The following YWHAB variants were observed in gnomAD, a reference collection of about 807,000 sequenced individuals.
YWHAB encodes the protein tyrosine 3-monooxygenase/tryptophan 5-monooxygenase activation protein beta.
Under a neutral mutation model 28.5 loss-of-function variants are expected in YWHAB, and 2 were observed. The observed-to-expected ratio is 0.07, with a 90% CI of 0.03 to 0.22. The LOEUF is 0.22. Among genes scored for constraint, YWHAB ranks in the 10% least tolerant of loss-of-function variants. The probability of loss-of-function intolerance (pLI) is 1.00; values close to 1 mark genes in which losing one functional copy is unlikely to be tolerated. For missense variants in YWHAB, 148 were observed against 297.1 expected (o/e 0.50, Z 3.69); for synonymous variants, 103 against 104.7 (o/e 0.98, Z 0.10).
At chr20:44,901,479 A>G in intron 1 of YWHAB, 52 bp from the exon 2 acceptor site, 1 of 1,511,504 alleles carries the variant, frequency 6.6e-7, no homozygotes. Flanking sequence ...CACGTTTCCT[A>G]GGCCCCGAAA....
intron 2 of YWHAB, chr20:44,903,195 C>A: frequency 1.5e-6 from 1 of 671,116 alleles, no homozygotes; most frequent in Non-Finnish European, 1.8e-6. Flanking sequence ...ACGTGCCAGG[C>A]AACGTGTTAA....
chr20:44,901,858 G>T, intron 2 of YWHAB, 25 bp downstream of exon 2: 2 of 1,563,382 alleles, frequency 1.3e-6, no homozygotes, highest in South Asian at 1.2e-5. Flanking sequence ...CTTCTGTTTT[G>T]AACAGTGGTT....
At chr20:44,903,840 G>A (rs2066640985) in intron 2 of YWHAB, 153 bp from the exon 3 acceptor site, 10 of 807,674 alleles carry the variant, frequency 1.2e-5, no homozygotes, top group Non-Finnish European at 1.9e-5. Context: ...TTATGACCTG[G>A]GCTAAACAAC....
intron 2 of YWHAB, chr20:44,903,757 A>G (rs2066640376): frequency 2.6e-6 from 1 of 388,218 alleles, no homozygotes; most frequent in Non-Finnish European, 4.6e-6. Context: ...ACATTTCATT[A>G]TATGGCTATA....
At chr20:44,900,614 C>T (rs949770450) in intron 1 of YWHAB, among the ~76,000 whole-genome samples, 4 of 152,178 alleles carry the variant, frequency 2.6e-5, no homozygotes, top group Non-Finnish European at 5.9e-5. Context: ...AAACATCATA[C>T]TTACTCTTTC....
At chr20:44,905,441 G>T in intron 4 of YWHAB, 2 of 231,566 alleles carry the variant, frequency 8.6e-6, no homozygotes, top group Non-Finnish European at 1.7e-5. Context: ...CAAGATTTGA[G>T]GTTATAGTTG....
intron 1 of YWHAB, chr20:44,886,888 G>C (rs930899325): frequency 6.6e-6 from 1 of 152,188 alleles, no homozygotes; most frequent in African/African-American, 2.4e-5. Flanking sequence ...GATAGCATCA[G>C]GTCCTGATTT....
intron 1 of YWHAB, among the ~76,000 whole-genome samples, chr20:44,895,723 C>T (rs145259312): frequency 1.3e-5 from 2 of 152,302 alleles, no homozygotes; most frequent in African/African-American, 4.8e-5. Flanking sequence ...CAGCTTTGGC[C>T]TCCAAAAGCA....
chr20:44,905,991 T>G lies in YWHAB; in HGVS notation c.589-10T>G, dbSNP rs1387550009. The G allele has an allele frequency of 1.9e-6, 3 of 1,609,962 alleles. No homozygotes were observed. The South Asian group carries it at 3.3e-5, about 18-fold the overall frequency. ...CTTGTGAATTCTTTGCTAAAGGCTCTTTGTTTTAGGCATTTGATGAAGCAA... is the reference window on the plus strand; with the variant it reads ...CTTGTGAATTCTTTGCTAAAGGCTCGTTGTTTTAGGCATTTGATGAAGCAA... On this transcript the variant is annotated splice_polypyrimidine_tract_variant and intron_variant, in intron 4 of 5. Coordinates refer to ENST00000353703, the MANE Select transcript of YWHAB (RefSeq NM_139323.4).
intron 1 of YWHAB, among the ~76,000 whole-genome samples, chr20:44,899,880 G>A (rs6017444): frequency 0.28 from 43,288 of 152,056 alleles, 6,500 homozygotes; most frequent in Middle Eastern, 0.38. Flanking sequence ...ATGGTTTCAA[G>A]TTATGTTGCT....
At chr20:44,906,160 T>TG in intron 5 of YWHAB, 64 bp downstream of exon 5, 2 of 1,358,680 alleles carry the variant, frequency 1.5e-6, no homozygotes, top group South Asian at 2.4e-5. Context: ...AATTCACTGT[T>TG]ATCTTCAAGA....
intron 1 of YWHAB, chr20:44,886,191 C>T (rs560865500): frequency 1.6e-3 from 249 of 152,704 alleles, no homozygotes; most frequent in Non-Finnish European, 2.6e-3. Context: ...CCCTCCCTCA[C>T]TATCTGCTTC....
intron 3 of YWHAB, 56 bp from the exon 4 acceptor site, chr20:44,904,910 CAA>C (rs1341763109): frequency 6.7e-7 from 1 of 1,489,150 alleles, no homozygotes; most frequent in Non-Finnish European, 9.0e-7. Context: ...ATAGTTGGTC[CAA>C]TGTGTGATAC....
At chr20:44,904,227 C>G in intron 3 of YWHAB, 111 bp downstream of exon 3, 1 of 1,377,376 alleles carries the variant, frequency 7.3e-7, no homozygotes, top group South Asian at 1.3e-5. Flanking sequence ...TGTCACAGTA[C>G]TAAGAATTTA....
chr20:44,901,469 C>T, intron 1 of YWHAB, 62 bp from the exon 2 acceptor site: 1 of 1,488,984 alleles, frequency 6.7e-7, no homozygotes, highest in African/African-American at 1.4e-5. Flanking sequence ...AAGATTCACA[C>T]ACGTTTCCTA....
chr20:44,891,015 TAA>T (rs2066558389), intron 1 of YWHAB, among the ~76,000 whole-genome samples: 1 of 152,228 alleles, frequency 6.6e-6, no homozygotes, highest in South Asian at 2.1e-4. Flanking sequence ...ATTGGTTTTT[TAA>T]GTTTTGTGTG....
chr20:44,905,680 G>A (rs913727997), intron 4 of YWHAB: 1 of 206,280 alleles, frequency 4.8e-6, no homozygotes, highest in African/African-American at 2.3e-5. Context: ...ATTTTAAATA[G>A]AAGATTGCTA....
intron 1 of YWHAB, among the ~76,000 whole-genome samples, chr20:44,894,998 G>A (rs1483545373): frequency 6.6e-6 from 1 of 152,240 alleles, no homozygotes; most frequent in African/African-American, 2.4e-5. Flanking sequence ...CAAACATGAA[G>A]CTTTCCTTTG....
intron 1 of YWHAB, chr20:44,886,329 C>T (rs564933814): frequency 6.6e-6 from 1 of 152,380 alleles, no homozygotes; most frequent in Admixed American, 6.5e-5. Flanking sequence ...GTTTTCTAGC[C>T]CCAGTCCCCG....
Sources: allele counts gnomAD v4.1 joint callset (sites outside exome capture counted in the v4.1 genomes callset), GRCh38; gene constraint gnomAD v4.1.1; transcripts MANE v1.5; gene names NCBI Gene and HGNC (gene_info 2026-07-23, HGNC 2026-07-21).